HSPG2: variants seen among roughly 807,000 people sequenced by gnomAD.
The protein encoded by HSPG2 is basement membrane-specific heparan sulfate proteoglycan core protein.
In HSPG2, 278 loss-of-function variants were observed where a neutral mutation model predicts 526.6. The ratio of observed to expected loss-of-function variants is 0.53; its 90% CI spans 0.48 to 0.58. HSPG2 has a LOEUF of 0.58. Among genes scored for constraint, HSPG2 ranks in the 20% least tolerant of loss-of-function variants. HSPG2 has a pLI of 0.00. For missense variants in HSPG2, 5,354 were observed against 6,099.5 expected, an observed-to-expected ratio of 0.88 and a Z score of 4.07; for synonymous variants, 2,465 against 2,555.4, an observed-to-expected ratio of 0.96 and a Z score of 1.07.
chr1:21,859,382 C>T lies in HSPG2; in HGVS notation c.5293+184G>A, dbSNP rs1639598802. ...TTTTGCCCTCACCGACCAGTCAAGT[C>T]CTGCTGATCCTACCTCTAAAATGAG... On this transcript the variant is annotated intron_variant, in intron 42 of 96. Transcript: ENST00000374695. This position sits in a 1 kb window ranked among gnomAD's most constrained non-coding sequence, Gnocchi z 5.3. Among the ~76,000 whole-genome samples the T allele has an allele frequency of 6.6e-6, 1 of 152,146 alleles. No individual in the cohort carries two copies. The highest frequency in any genetic ancestry group is 2.4e-5 in the African/African-American group (1 of 41,428).
chr1:21,857,345 C>A lies in HSPG2; in HGVS notation c.5334G>T (p.Gln1778His). The A allele has an allele frequency of 6.2e-7, 1 of 1,614,088 alleles. No homozygotes were observed. The highest frequency in any genetic ancestry group is 8.5e-7 in the Non-Finnish European group (1 of 1,180,026). ...CTCCGGGGCGCACGCTCTGGCTCCG[C>A]TGCTCCTCCACAGTCACTGTGATGG... ...SKPITVTVEE[Q>H]RSQSVRPGAD... Residue 1778 changes from glutamine (Q) to histidine (H), a missense_variant, in exon 43 of 97, where the codon CAG becomes CAT. Physicochemically the swap from Gln to His is conservative, Grantham distance 24. Transcript: ENST00000374695.
chr1:21,896,219 T>C lies in HSPG2; in HGVS notation c.155A>G (p.Tyr52Cys). 1.2e-6 allele frequency: 2 copies of C among 1,613,640 alleles called. No individual in the cohort carries two copies. The highest frequency in any genetic ancestry group is 1.7e-6 in the Non-Finnish European group (2 of 1,179,940). ...TASQMRWTHSYLSDDEDMLAD... is the reference protein window; with the variant it reads ...TASQMRWTHSCLSDDEDMLAD... The stretch of plus-strand genomic sequence containing the variant: ...CAGCATGTCCTCATCATCAGAAAGG[T>C]ACGAATGTGTCCAGCGCATTTGGCT... The change falls in exon 2 of 97, where the codon TAC becomes TGC. Residue 52 changes from tyrosine to cysteine, a missense_variant. Transcript: ENST00000374695.
chr1:21,863,536 G>A (rs373868865), intron 37 of HSPG2, among the ~76,000 whole-genome samples: 12 of 152,028 alleles, frequency 7.9e-5, no homozygotes, highest in Middle Eastern at 3.4e-3. Flanking sequence ...CCTTCACTGC[G>A]TACCCTGGGG....
chr1:21,863,080 A>AC, intron 37 of HSPG2, among the ~76,000 whole-genome samples: 1 of 139,448 alleles, frequency 7.2e-6, no homozygotes, highest in Non-Finnish European at 1.5e-5. Flanking sequence ...AAAAAAAAAA[A>AC]AAAAAAAAGA....
At chr1:21,875,260 C>T (rs1177503672) in intron 25 of HSPG2, 7 of 604,704 alleles carry the variant, frequency 1.2e-5, no homozygotes, top group Non-Finnish European at 2.1e-5. Context: ...CAGGCTGATA[C>T]AGGCTACAAG....
Position 21,864,947 on chromosome 1 carries a change from C to T in HSPG2, c.4522G>A (p.Ala1508Thr), listed in dbSNP as rs761218635. The T allele has an allele frequency of 6.2e-6, 10 of 1,605,332 alleles. No individual in the cohort carries two copies. In the East Asian group the frequency reaches 6.7e-5, roughly 11 times the overall value. Residue 1508 changes from alanine (A) to threonine (T), a missense_variant, in exon 36 of 97, where the codon GCA (alanine) becomes ACA (threonine). Ala to Thr is a moderately conservative substitution (Grantham distance 58). Transcript: ENST00000374695. The surrounding 1 kb of genome is among the most constrained non-coding windows in gnomAD (Gnocchi z 4.8). ...SSVPLAASIS[A>T]VSLEVAQPGP... ...GGCTGGGCGACCTCCAGGCTGACTG[C>T]GCTGATGCTGGCCGCCAGCGGCACG...
At chr1:21,845,961 C>T (rs958008337) in intron 64 of HSPG2, 147 bp downstream of exon 64, 7 of 958,964 alleles carry the variant, frequency 7.3e-6, no homozygotes, top group African/African-American at 3.2e-5. Flanking sequence ...GTCCTGGGAC[C>T]GTGTGGGTGG....
chr1:21,886,634 G>A (rs973117647), intron 9 of HSPG2, among the ~76,000 whole-genome samples: 7 of 152,174 alleles, frequency 4.6e-5, no homozygotes, highest in Admixed American at 3.3e-4. Flanking sequence ...GTCCATGACT[G>A]GAAAAGATGG....
intron 1 of HSPG2, among the ~76,000 whole-genome samples, chr1:21,900,359 G>C (rs1643030473): frequency 6.6e-6 from 1 of 152,152 alleles, no homozygotes; most frequent in Non-Finnish European, 1.5e-5. Context: ...GACCCCCAGT[G>C]GGCAGGCATT....
At chr1:21,875,044 T>A in intron 25 of HSPG2, 42 bp from the exon 26 acceptor site, 2 of 1,431,376 alleles carry the variant, frequency 1.4e-6, no homozygotes, top group South Asian at 1.2e-5. Context: ...GTGCTGGCTC[T>A]GTGCCAGGCA....
chr1:21,824,649 C>T lies in HSPG2; in HGVS notation c.12666-34G>A, dbSNP rs372343904. ...GAAGAGCGGGTGAGGGGACAGAAGT[C>T]CCAGATTCCCATCCTCCCCATTAGG... On this transcript the variant is annotated intron_variant, in intron 92 of 96. Coordinates refer to ENST00000374695, the MANE Select transcript of HSPG2 (RefSeq NM_005529.7). The surrounding 1 kb of genome is among the most constrained non-coding windows in gnomAD (Gnocchi z 5.9). 3.0e-5 allele frequency: 49 copies of T among 1,613,436 alleles called. No individual in the cohort carries two copies. Among genetic ancestry groups the T allele is most frequent in the South Asian group, 4.4e-5 (4 of 91,018 alleles).
Position 21,898,082 on chromosome 1 carries a change from T to TGAAC in HSPG2, c.64-1776_64-1773dup, listed in dbSNP as rs1019046283. Among the ~76,000 whole-genome samples the TGAAC allele has an allele frequency of 6.6e-6, 1 of 152,196 alleles. No homozygotes were observed. Among genetic ancestry groups the TGAAC allele is most frequent in the Non-Finnish European group, 1.5e-5 (1 of 68,040 alleles). On this transcript the variant is annotated intron_variant, in intron 1 of 96. Coordinates refer to ENST00000374695, the MANE Select transcript of HSPG2 (RefSeq NM_005529.7). The surrounding 1 kb of genome is among the most constrained non-coding windows in gnomAD (Gnocchi z 4.0). ...ATAAATACTTGAATGAATGAATAAA[T>TGAAC]GAACGGACAAAAACGGAATTCATCA... is the stretch of plus-strand genomic sequence containing the variant.
Position 21,885,141 on chromosome 1 carries a change from C to T in HSPG2, c.1227G>A (p.Val409=), listed in dbSNP as rs960539857. The change falls in exon 11 of 97, where the codon GTG becomes GTA. Residue 409 remains valine, a synonymous_variant. Transcript: ENST00000374695. ...CCTGGATGGACTCCCGGGGAGGTGT[C>T]ACCACCTGGGGGGGCACTGAGGAGA... The part of the protein sequence containing the change: ...DEFGCMPPQV[V]TPPRESIQAS... 1 of 1,609,792 alleles carries T rather than the reference C, an allele frequency of 6.2e-7. No individual in the cohort carries two copies. The highest frequency in any genetic ancestry group is 8.5e-7 in the Non-Finnish European group (1 of 1,177,946).
chr1:21,876,394 G>A lies in HSPG2; in HGVS notation c.2838C>T (p.Ala946=). ...SSWSRAQLHG[A]SEEPGHFSLT... ...GGCTGAAGTGACCAGGCTCCTCAGA[G>A]GCCCCATGCAACTGGGAGGAGGAGA... is the stretch of plus-strand genomic sequence containing the variant. The change falls in exon 23 of 97, where the codon GCC becomes GCT. Residue 946 remains alanine (A), a synonymous_variant. Transcript: ENST00000374695. 4 of 1,610,914 alleles carry A rather than the reference G, an allele frequency of 2.5e-6. No homozygotes were observed. The highest frequency in any genetic ancestry group is 3.4e-6 in the Non-Finnish European group (4 of 1,178,634).
chr1:21,857,041 T>C lies in HSPG2; in HGVS notation c.5549A>G (p.Gln1850Arg). 6.2e-7 allele frequency: 1 copy of C among 1,614,180 alleles called. No homozygotes were observed. Among genetic ancestry groups the C allele is most frequent in the Non-Finnish European group, 8.5e-7 (1 of 1,180,026 alleles). ...CTGSNMFAMDQGTATLHVQAS... is the reference protein window; with the variant it reads ...CTGSNMFAMDRGTATLHVQAS... ...CTGCACATGTAGAGTGGCTGTGCCC[T>C]GGTCCATGGCAAACATGTTGGAGCC... The change falls in exon 44 of 97, where the codon CAG (glutamine) becomes CGG (arginine). Residue 1850 changes from glutamine (Q) to arginine (R), a missense_variant. Gln to Arg is a conservative substitution (Grantham distance 43). Coordinates refer to ENST00000374695, the MANE Select transcript of HSPG2 (RefSeq NM_005529.7).
chr1:21,889,775 C>T (rs1389435705), intron 6 of HSPG2: 6 of 617,472 alleles, frequency 9.7e-6, no homozygotes, highest in Non-Finnish European at 1.5e-5. Flanking sequence ...AGGAGCAGAA[C>T]TCGGGTCTAA....
chr1:21,929,872 T>C (rs553914296), intron 1 of HSPG2, among the ~76,000 whole-genome samples: 1 of 152,264 alleles, frequency 6.6e-6, no homozygotes, highest in Non-Finnish European at 1.5e-5. Context: ...CCCACCTCCG[T>C]GGTCCTAGCT....
At chr1:21,835,497 T>A (rs1473140938) in intron 76 of HSPG2, 43 bp downstream of exon 76, 1 of 1,325,888 alleles carries the variant, frequency 7.5e-7, no homozygotes, top group Admixed American at 1.7e-5. Flanking sequence ...CTTTCTCATC[T>A]CTGTTCCCTG....
In HSPG2 at chr1:21,842,765, T is replaced by C. The variant is rs1285040494; in HGVS notation, c.8910+5A>G. Reference sequence around the variant, plus strand: ...CTGGAATCCTCCCCATCCTGGCCCCTGTACCTGGTGCCGGGCGGGGAGGCT... The same window carrying C: ...CTGGAATCCTCCCCATCCTGGCCCCCGTACCTGGTGCCGGGCGGGGAGGCT... On this transcript the variant is annotated splice_donor_5th_base_variant and intron_variant, in intron 67 of 96. Transcript: ENST00000374695. 4 of 1,612,830 alleles carry C rather than the reference T, an allele frequency of 2.5e-6. No homozygotes were observed. In the African/African-American group the frequency reaches 4.0e-5, roughly 16 times the overall value.
Sources: gnomAD v4.1 joint callset for allele counts (sites outside exome capture counted in the v4.1 genomes callset) on GRCh38, gnomAD v4.1.1 for gene constraint, Gnocchi (gnomAD v3.1) non-coding constraint, MANE v1.5 for transcripts, NCBI Gene and HGNC (gene_info 2026-07-23, HGNC 2026-07-21) for gene names.